The following SNPH variants were observed in gnomAD, a reference collection of about 807,000 sequenced individuals.
The protein encoded by SNPH is syntaphilin.
Under a neutral mutation model 36.8 loss-of-function variants are expected in SNPH, and 10 were observed. That is an observed-to-expected ratio of 0.27 (90% CI 0.17 to 0.46). SNPH has a LOEUF of 0.46. Among genes scored for constraint, SNPH ranks in the 20% least tolerant of loss-of-function variants. SNPH has a pLI of 1.00. For missense variants in SNPH, 622 were observed against 744.0 expected (o/e 0.84, Z 1.91); for synonymous variants, 281 against 312.2 (o/e 0.90, Z 1.05).
intron 2 of SNPH, among the ~76,000 whole-genome samples, chr20:1,271,185 C>A (rs2088068885): frequency 6.6e-6 from 1 of 152,204 alleles, no homozygotes; most frequent in Non-Finnish European, 1.5e-5. Flanking sequence ...AGTCAGTAGA[C>A]TTGGGTCCTC....
rs974923669 is a variant in SNPH at position 1,266,494 on chromosome 20, G to A, written c.-600+97G>A. The stretch of plus-strand genomic sequence containing the variant: ...TGCCAGGGGGTGGGGTGGGGGCCGC[G>A]GGCCGCGAGGAGGAGGGGACGGAGC... On this transcript the variant is annotated intron_variant, in intron 1 of 6. Coordinates refer to ENST00000381867, the MANE Select transcript of SNPH (RefSeq NM_001318234.2). This position sits in a 1 kb window ranked among gnomAD's most constrained non-coding sequence, Gnocchi z 6.0. 1.0e-4 allele frequency: 110 copies of A among 1,089,828 alleles called. No individual in the cohort carries two copies. In the African/African-American group the frequency reaches 1.5e-3, roughly 15 times the overall value. The allele number at this position is 1,089,828 out of a possible 1,614,324, so 67.5% of individuals were successfully genotyped here.
rs918348705 is a variant in SNPH at position 1,276,523 on chromosome 20, G to C, written c.-493+9763G>C. On this transcript the variant is annotated intron_variant, in intron 2 of 6. Transcript: ENST00000381867. This position sits in a 1 kb window ranked among gnomAD's most constrained non-coding sequence, Gnocchi z 4.6. ...CCCTTAGTACCTCAATAGTAAAAAT[G>C]GGCATCATAATCATAACGTAGGCCT... 4.2e-4 allele frequency among the ~76,000 whole-genome samples: 63 copies of C among 151,206 alleles called. 1 individual carries two copies. Among genetic ancestry groups the C allele is most frequent in the African/African-American group, 1.3e-3 (55 of 41,484 alleles).
In SNPH at chr20:1,304,519, C is replaced by A. The variant is rs2088541879; in HGVS notation, c.441-359C>A. On this transcript the variant is annotated intron_variant, in intron 6 of 6. Coordinates refer to ENST00000381867, the MANE Select transcript of SNPH (RefSeq NM_001318234.2). This position sits in a 1 kb window ranked among gnomAD's most constrained non-coding sequence, Gnocchi z 4.3. ...GGTTTTTATAGCAGTAGCTATAAAA[C>A]TTATGAGCATCTTTGTTGTCTAGTC... Among the ~76,000 whole-genome samples the A allele has an allele frequency of 6.7e-6, 1 of 149,340 alleles. No individual in the cohort carries two copies. The highest frequency in any genetic ancestry group is 2.1e-4 in the South Asian group (1 of 4,772).
intron 2 of SNPH, among the ~76,000 whole-genome samples, chr20:1,269,525 A>C (rs1047379895): frequency 6.6e-6 from 1 of 152,218 alleles, no homozygotes; most frequent in Non-Finnish European, 1.5e-5. Context: ...CTCTTCATGC[A>C]TACCTTGCTG....
intron 2 of SNPH, among the ~76,000 whole-genome samples, chr20:1,270,520 C>T (rs556120873): frequency 1.3e-5 from 2 of 152,222 alleles, no homozygotes; most frequent in African/African-American, 4.8e-5. Flanking sequence ...TAGAATGTTT[C>T]CAAACAGCCC....
At position 1,285,104 on chromosome 20, in the gene SNPH, G is replaced by A. The variant is rs1315606075; in HGVS notation, c.-492-9847G>A. Among the ~76,000 whole-genome samples the A allele has an allele frequency of 6.6e-6, 1 of 152,128 alleles. No individual in the cohort carries two copies. The highest frequency in any genetic ancestry group is 2.4e-5 in the African/African-American group (1 of 41,424). ...CTGTGCAGGGAATAAAAGCTGACAG[G>A]CTTTTCTGATAGACGTGAGAGTGTT... On this transcript the variant is annotated intron_variant, in intron 2 of 6. Coordinates refer to ENST00000381867, the MANE Select transcript of SNPH (RefSeq NM_001318234.2). The surrounding 1 kb of genome is among the most constrained non-coding windows in gnomAD (Gnocchi z 4.9).
chr20:1,289,024 C>T (rs868194411), intron 2 of SNPH, among the ~76,000 whole-genome samples: 1 of 152,134 alleles, frequency 6.6e-6, no homozygotes, highest in Non-Finnish European at 1.5e-5. Flanking sequence ...AGGTATATAC[C>T]TGCTCATCTC....
chr20:1,295,113 G>T (rs2122387490), intron 3 of SNPH, 135 bp downstream of exon 3: 1 of 152,764 alleles, frequency 6.5e-6, no homozygotes, highest in East Asian at 1.9e-4. Flanking sequence ...CTCAGTCCCT[G>T]CTGTTAATGT....
chr20:1,280,647 G>C (rs2088206001), intron 2 of SNPH, among the ~76,000 whole-genome samples: 1 of 152,158 alleles, frequency 6.6e-6, no homozygotes. Flanking sequence ...AGAGCTGAGT[G>C]TCCTGGCCCC....
chr20:1,301,270 GGCCGTCTGA>G (rs1408896203), intron 6 of SNPH, among the ~76,000 whole-genome samples: 6 of 152,060 alleles, frequency 3.9e-5, no homozygotes, highest in Admixed American at 2.0e-4. Flanking sequence ...AGCCCCCGCA[GGCCGTCTGA>G]GCTCATTCTC....
In SNPH at chr20:1,297,243, C is replaced by A. The variant is rs1322553826; in HGVS notation, c.281C>A (p.Pro94His). 1 of 1,613,636 alleles carries A rather than the reference C, an allele frequency of 6.2e-7. No individual in the cohort carries two copies. The highest frequency in any genetic ancestry group is 1.1e-5 in the South Asian group (1 of 91,006). ...TCCTACAAGGGCAGTGACAGCAGTC[C>A]CACGCCAAGGTAATTGGCCCCTCCT... ...SGSYKGSDSSPTPRRSMKYTL... is the reference protein window; with the variant it reads ...SGSYKGSDSSHTPRRSMKYTL... Residue 94 changes from proline (P) to histidine (H), a missense_variant, in exon 5 of 7, where the codon CCC becomes CAC. Pro to His is a moderately conservative substitution (Grantham distance 77). Transcript: ENST00000381867.
At chr20:1,284,651 G>C (rs1400219270) in intron 2 of SNPH, among the ~76,000 whole-genome samples, 1 of 152,120 alleles carries the variant, frequency 6.6e-6, no homozygotes, top group Non-Finnish European at 1.5e-5. Flanking sequence ...AATACACGGG[G>C]CAGAGATCTG....
chr20:1,280,726 G>A (rs1252591251), intron 2 of SNPH, among the ~76,000 whole-genome samples: 1 of 152,166 alleles, frequency 6.6e-6, no homozygotes, highest in East Asian at 1.9e-4. Flanking sequence ...CTCCCTCAGG[G>A]GCCCTCTTCC....
intron 5 of SNPH, among the ~76,000 whole-genome samples, chr20:1,298,957 C>T (rs1329110747): frequency 1.1e-4 from 16 of 151,472 alleles, no homozygotes; most frequent in Admixed American, 1.1e-3. Flanking sequence ...AAAATAGTTA[C>T]TTCCTCTCTA....
intron 2 of SNPH, among the ~76,000 whole-genome samples, chr20:1,277,739 TC>T (rs1292509203): frequency 4.9e-5 from 7 of 144,108 alleles, no homozygotes; most frequent in East Asian, 2.1e-4. Context: ...TCTGTGTGTG[TC>T]GTGTGTCTGT....
At chr20:1,280,331 T>C (rs938233503) in intron 2 of SNPH, among the ~76,000 whole-genome samples, 5 of 152,368 alleles carry the variant, frequency 3.3e-5, no homozygotes, top group Admixed American at 6.5e-5. Flanking sequence ...GTGCTCTAGC[T>C]GTGAATTCTG....
rs771494191 is a variant in SNPH, at chr20:1,306,039, C to T, written c.1602C>T (p.Gly534=). 6.2e-5 allele frequency: 92 copies of T among 1,472,352 alleles called. No individual in the cohort carries two copies. The highest frequency in any genetic ancestry group is 7.5e-5 in the Non-Finnish European group (83 of 1,112,882). 91.2% of individuals were successfully genotyped at this position (1,472,352 alleles called of 1,614,324 possible). The change falls in exon 7 of 7, where the codon GGC becomes GGT. Residue 534 remains glycine (G), a synonymous_variant. Transcript: ENST00000381867. ...LSQPSPSPAG[G]GSQL ...AGCCGAGTCCCAGCCCAGCGGGCGG[C>T]GGCTCCCAGCTCTGAGGGGGCCCAT...
chr20:1,282,757 G>A (rs887495927), intron 2 of SNPH, among the ~76,000 whole-genome samples: 1 of 152,192 alleles, frequency 6.6e-6, no homozygotes, highest in African/African-American at 2.4e-5. Flanking sequence ...TGTTCATCCA[G>A]CAGTGTGTGT....
chr20:1,303,578 C>CT (rs1289141080), intron 6 of SNPH, among the ~76,000 whole-genome samples: 1 of 152,180 alleles, frequency 6.6e-6, no homozygotes, highest in African/African-American at 2.4e-5. Flanking sequence ...TATTGGCACT[C>CT]TAAGCAGCTC....
Sources: allele counts gnomAD v4.1 joint callset (sites outside exome capture counted in the v4.1 genomes callset), GRCh38; gene constraint gnomAD v4.1.1; non-coding constraint Gnocchi (gnomAD v3.1); transcripts MANE v1.5; gene names NCBI Gene and HGNC (gene_info 2026-07-23, HGNC 2026-07-21).